The following MCTP1 variants were observed in gnomAD, a reference collection of about 807,000 sequenced individuals.
MCTP1 encodes multiple C2 and transmembrane domain-containing protein 1.
In MCTP1, 69 loss-of-function variants were observed where a neutral mutation model predicts 120.6. That is an observed-to-expected ratio of 0.57 (90% CI 0.47 to 0.70). MCTP1 has a LOEUF of 0.70. MCTP1 is among the 30% of genes least tolerant of loss of function. MCTP1 has a pLI of 0.00. For missense variants in MCTP1, 1,203 were observed against 1,248.8 expected (o/e 0.96, Z 0.55); for synonymous variants, 529 against 493.1 (o/e 1.07, Z -0.96).
chr5:94,988,462 G>A (rs1474378888), intron 2 of MCTP1, among the ~76,000 whole-genome samples: 1 of 152,034 alleles, frequency 6.6e-6, no homozygotes, highest in Non-Finnish European at 1.5e-5. Context: ...AGGAATTAAT[G>A]AATATATTTT....
chr5:94,911,353 T>G (rs1355376831), intron 9 of MCTP1, among the ~76,000 whole-genome samples: 2 of 152,168 alleles, frequency 1.3e-5, no homozygotes, highest in African/African-American at 4.8e-5. Context: ...TGGCTCTGTG[T>G]ATCCACCGAA....
chr5:94,708,785 T>TAC, intron 21 of MCTP1, 176 bp from the exon 22 acceptor site: 1 of 527,840 alleles, frequency 1.9e-6, no homozygotes, highest in Middle Eastern at 3.2e-4. Context: ...TTTTTACTTG[T>TAC]ACCTTAGTAG....
chr5:95,012,752 C>G (rs1250295441), intron 2 of MCTP1, among the ~76,000 whole-genome samples: 1 of 152,054 alleles, frequency 6.6e-6, no homozygotes, highest in Non-Finnish European at 1.5e-5. Context: ...TCTGACTGCT[C>G]CACCGACCAG....
At chr5:94,842,282 G>T (rs1399090656) in intron 17 of MCTP1, among the ~76,000 whole-genome samples, 1 of 152,154 alleles carries the variant, frequency 6.6e-6, no homozygotes, top group Non-Finnish European at 1.5e-5. Flanking sequence ...CTTATTGAGA[G>T]ACTATTAGTA....
chr5:94,896,825 T>A (rs1302621755), intron 10 of MCTP1, among the ~76,000 whole-genome samples: 1 of 152,146 alleles, frequency 6.6e-6, no homozygotes, highest in Non-Finnish European at 1.5e-5. Flanking sequence ...GGCAGAAGGA[T>A]TTGTGATTCT....
chr5:94,930,580 T>C (rs1471195786), intron 6 of MCTP1, among the ~76,000 whole-genome samples: 2 of 152,102 alleles, frequency 1.3e-5, no homozygotes, highest in Non-Finnish European at 2.9e-5. Context: ...GGCAGAATCT[T>C]CATTTCTAAT....
intron 1 of MCTP1, among the ~76,000 whole-genome samples, chr5:95,050,740 T>G (rs1206741258): frequency 6.6e-6 from 1 of 152,154 alleles, no homozygotes; most frequent in Non-Finnish European, 1.5e-5. Flanking sequence ...AAATTATATC[T>G]CACAAAAAAC....
At chr5:94,959,466 G>C (rs990999489) in intron 2 of MCTP1, among the ~76,000 whole-genome samples, 3 of 152,192 alleles carry the variant, frequency 2.0e-5, no homozygotes, top group Non-Finnish European at 4.4e-5. Flanking sequence ...AATAGGAAAA[G>C]AGGAAGTCAA....
At chr5:95,176,990 G>A (rs1482393404) in intron 1 of MCTP1, among the ~76,000 whole-genome samples, 7 of 151,432 alleles carry the variant, frequency 4.6e-5, no homozygotes, top group African/African-American at 7.3e-5. Context: ...TCAGCCTCCC[G>A]AGTAGCTGGG....
intron 18 of MCTP1, among the ~76,000 whole-genome samples, chr5:94,790,131 A>T (rs930896713): frequency 1.3e-5 from 2 of 152,174 alleles, no homozygotes; most frequent in African/African-American, 4.8e-5. Flanking sequence ...GTCTCTTGAG[A>T]GTGACCATGA....
chr5:95,003,340 T>C (rs1488407684), intron 2 of MCTP1, among the ~76,000 whole-genome samples: 1 of 152,220 alleles, frequency 6.6e-6, no homozygotes, highest in East Asian at 1.9e-4. Context: ...CCTACAGTAT[T>C]AACTGCAGTC....
chr5:94,855,591 T>C (rs551339737), intron 17 of MCTP1, among the ~76,000 whole-genome samples: 95 of 151,894 alleles, frequency 6.3e-4, no homozygotes, highest in African/African-American at 2.1e-3. Flanking sequence ...CAATAATTTA[T>C]ACAGATATAT....
intron 1 of MCTP1, among the ~76,000 whole-genome samples, chr5:95,168,233 C>G (rs1746700221): frequency 6.6e-6 from 1 of 152,150 alleles, no homozygotes; most frequent in Non-Finnish European, 1.5e-5. Context: ...TCTGAGGGCT[C>G]TGTTCTGTTC....
At chr5:94,901,471 A>T (rs1805516363) in intron 10 of MCTP1, among the ~76,000 whole-genome samples, 1 of 151,976 alleles carries the variant, frequency 6.6e-6, no homozygotes, top group Non-Finnish European at 1.5e-5. Context: ...GTATTCCCTG[A>T]CTCATGTTCT....
At chr5:94,744,111 C>G (rs533428230) in intron 19 of MCTP1, among the ~76,000 whole-genome samples, 75 of 152,144 alleles carry the variant, frequency 4.9e-4, no homozygotes, top group African/African-American at 1.8e-3. Flanking sequence ...GCTGGAACTA[C>G]AGATGCACGC....
intron 17 of MCTP1, among the ~76,000 whole-genome samples, chr5:94,849,548 T>G (rs1463863064): frequency 2.0e-5 from 3 of 152,008 alleles, no homozygotes; most frequent in African/African-American, 7.2e-5. Context: ...AGGGGGCAGG[T>G]AGTAAGCAAT....
At chr5:94,716,973 T>A (rs1164761667) in intron 19 of MCTP1, among the ~76,000 whole-genome samples, 1 of 152,124 alleles carries the variant, frequency 6.6e-6, no homozygotes, top group Non-Finnish European at 1.5e-5. Flanking sequence ...AAGATTGGTA[T>A]ATGATAAGGT....
At chr5:95,267,387 G>A (rs960073918) in intron 1 of MCTP1, among the ~76,000 whole-genome samples, 5 of 152,132 alleles carry the variant, frequency 3.3e-5, no homozygotes, top group Non-Finnish European at 7.3e-5. Context: ...TCGGAAATGT[G>A]CTGTCTAGGA....
At chr5:94,894,564 G>C in intron 11 of MCTP1, 85 bp downstream of exon 11, 1 of 1,025,552 alleles carries the variant, frequency 9.8e-7, no homozygotes. Context: ...CAACTTCTCA[G>C]AAGTACTTCT....
Sources: gnomAD v4.1 joint callset for allele counts (sites outside exome capture counted in the v4.1 genomes callset) on GRCh38, gnomAD v4.1.1 for gene constraint, MANE v1.5 for transcripts, NCBI Gene and HGNC (gene_info 2026-07-23, HGNC 2026-07-21) for gene names.